Variants in NTM observed in about 807,000 individuals in gnomAD.
The protein encoded by NTM is IgLON family member 2.
Under a neutral mutation model 42.1 loss-of-function variants are expected in NTM, and 13 were observed. The ratio of observed to expected loss-of-function variants is 0.31; its 90% CI spans 0.20 to 0.49. The LOEUF (loss-of-function observed/expected upper bound fraction) is 0.49. Ranked by LOEUF, NTM falls within the 20% of genes least tolerant of loss-of-function variation. The pLI is 0.99. For missense variants in NTM, 373 were observed against 452.8 expected (o/e 0.82, Z 1.60); for synonymous variants, 187 against 179.2 (o/e 1.04, Z -0.35).
chr11:131,881,080 T>C (rs1394001085), intron 1 of NTM, among the ~76,000 whole-genome samples: 2 of 152,182 alleles, frequency 1.3e-5, no homozygotes, highest in Non-Finnish European at 2.9e-5. Flanking sequence ...TATTCCCCCA[T>C]GGTCTGCTTT....
chr11:132,331,292 G>C (rs1353632209), intron 8 of NTM, among the ~76,000 whole-genome samples: 2 of 152,304 alleles, frequency 1.3e-5, no homozygotes, highest in African/African-American at 4.8e-5. Flanking sequence ...AAGGTGTTGT[G>C]ATAGCTTTCC....
intron 1 of NTM, among the ~76,000 whole-genome samples, chr11:131,793,381 G>C (rs1307413862): frequency 6.6e-6 from 1 of 152,164 alleles, no homozygotes; most frequent in Admixed American, 6.5e-5. Flanking sequence ...GCACCAGCTA[G>C]GTTCTCAGGT....
chr11:131,762,600 C>A (rs1255008874), intron 1 of NTM, among the ~76,000 whole-genome samples: 4 of 152,224 alleles, frequency 2.6e-5, no homozygotes, highest in Non-Finnish European at 4.4e-5. Context: ...GGCCCTGTCG[C>A]CCTTCCCCTT....
chr11:132,035,167 A>G (rs1298466521), intron 2 of NTM, among the ~76,000 whole-genome samples: 1 of 152,214 alleles, frequency 6.6e-6, no homozygotes, highest in African/African-American at 2.4e-5. Flanking sequence ...CTAGATGTTC[A>G]TTTTAATCTA....
chr11:131,410,989 A>G (rs1946338414), intron 1 of NTM, among the ~76,000 whole-genome samples: 1 of 152,178 alleles, frequency 6.6e-6, no homozygotes, highest in Non-Finnish European at 1.5e-5. Flanking sequence ...CCTGAGTTCT[A>G]TAAACATTTC....
At chr11:131,818,936 G>A (rs928064892) in intron 1 of NTM, among the ~76,000 whole-genome samples, 9 of 152,058 alleles carry the variant, frequency 5.9e-5, no homozygotes, top group African/African-American at 2.2e-4. Context: ...CTGGGATTTG[G>A]GGCTTCAAGG....
At chr11:131,967,651 A>G (rs1215006884) in intron 2 of NTM, among the ~76,000 whole-genome samples, 2 of 152,202 alleles carry the variant, frequency 1.3e-5, no homozygotes, top group Non-Finnish European at 2.9e-5. Flanking sequence ...TCACCAGATC[A>G]ATAGAGAAGA....
chr11:131,485,473 C>A (rs375248412), intron 1 of NTM, among the ~76,000 whole-genome samples: 1 of 152,092 alleles, frequency 6.6e-6, no homozygotes, highest in African/African-American at 2.4e-5. Flanking sequence ...GGTGAATGTT[C>A]GAGGTGAGGT....
chr11:131,430,245 T>C (rs1306953158), intron 1 of NTM, among the ~76,000 whole-genome samples: 8 of 152,186 alleles, frequency 5.3e-5, no homozygotes. Flanking sequence ...GTCCCAACCA[T>C]GTGTGAAGGC....
intron 1 of NTM, among the ~76,000 whole-genome samples, chr11:131,652,591 G>A (rs1249706174): frequency 6.6e-6 from 1 of 152,226 alleles, no homozygotes; most frequent in African/African-American, 2.4e-5. Context: ...CCCAACTTGG[G>A]GCAAGACAGC....
intron 1 of NTM, among the ~76,000 whole-genome samples, chr11:131,873,537 T>TGTGTATATATATACGTATATATATACC (rs1565657182): frequency 0.016 from 1,134 of 72,116 alleles, 185 homozygotes; most frequent in African/African-American, 0.041. Context: ...TGTGTGTGTG[T>TGTGTATATATATACGTATATATATACC]GTATATATAT....
At chr11:131,735,643 T>G (rs1183786106) in intron 1 of NTM, among the ~76,000 whole-genome samples, 1 of 152,212 alleles carries the variant, frequency 6.6e-6, no homozygotes, top group African/African-American at 2.4e-5. Flanking sequence ...CTACCTTTGA[T>G]AGATGCTAAA....
At chr11:131,476,757 G>A (rs1402287511) in intron 1 of NTM, among the ~76,000 whole-genome samples, 2 of 141,300 alleles carry the variant, frequency 1.4e-5, no homozygotes, top group African/African-American at 5.1e-5. Flanking sequence ...CACTTCCCCT[G>A]CCCACCCCAC....
chr11:132,177,021 G>A (rs1166368036), intron 3 of NTM, among the ~76,000 whole-genome samples: 1 of 152,036 alleles, frequency 6.6e-6, no homozygotes, highest in African/African-American at 2.4e-5. Flanking sequence ...ACAGGTGTGA[G>A]CCGTGCCGCC....
intron 1 of NTM, among the ~76,000 whole-genome samples, chr11:131,638,937 A>AT (rs2064785492): frequency 6.6e-6 from 1 of 152,234 alleles, no homozygotes; most frequent in Non-Finnish European, 1.5e-5. Context: ...GCTTACAGGT[A>AT]TTCTTCTGAA....
At chr11:131,475,771 T>G (rs1952868943) in intron 1 of NTM, among the ~76,000 whole-genome samples, 1 of 152,152 alleles carries the variant, frequency 6.6e-6, no homozygotes, top group Non-Finnish European at 1.5e-5. Context: ...AAAGTATAAC[T>G]GGGCTTTAGA....
At chr11:132,108,634 G>A (rs897738864) in intron 2 of NTM, among the ~76,000 whole-genome samples, 5 of 151,966 alleles carry the variant, frequency 3.3e-5, no homozygotes, top group Admixed American at 6.6e-5. Context: ...ACTAAAGAAC[G>A]TATCCATGAA....
chr11:132,245,035 T>C (rs1279249236), intron 4 of NTM, among the ~76,000 whole-genome samples: 1 of 152,240 alleles, frequency 6.6e-6, no homozygotes, highest in Non-Finnish European at 1.5e-5. Flanking sequence ...TCCAGTTGAA[T>C]GTGCGTCCAA....
At chr11:131,759,351 GGATAT>G (rs1373427899) in intron 1 of NTM, among the ~76,000 whole-genome samples, 4 of 152,200 alleles carry the variant, frequency 2.6e-5, no homozygotes, top group African/African-American at 9.6e-5. Context: ...ATACCACAGA[GGATAT>G]GATTGCCTGG....
Sources: allele counts gnomAD v4.1 joint callset (sites outside exome capture counted in the v4.1 genomes callset), GRCh38; gene constraint gnomAD v4.1.1; transcripts MANE v1.5; gene names NCBI Gene and HGNC (gene_info 2026-07-23, HGNC 2026-07-21).